Variants in RIPOR2 observed in about 807,000 individuals in gnomAD.
RIPOR2 encodes RHO family interacting cell polarization regulator 2.
Under a neutral mutation model 114.5 loss-of-function variants are expected in RIPOR2, and 39 were observed. The ratio of observed to expected loss-of-function variants is 0.34; its 90% confidence interval spans 0.26 to 0.44. RIPOR2 has a LOEUF of 0.44. Among genes scored for constraint, RIPOR2 ranks in the 20% least tolerant of loss-of-function variants. The probability of loss-of-function intolerance (pLI) is 1.00; values close to 1 mark genes in which losing one functional copy is unlikely to be tolerated. For synonymous variants in RIPOR2, 445 were observed against 484.4 expected (o/e 0.92, Z 1.07); for missense variants, 1,007 against 1,255.1 (o/e 0.80, Z 2.99).
chr6:24,866,351 C>A (rs896527432), intron 6 of RIPOR2, among the ~76,000 whole-genome samples: 1 of 151,970 alleles, frequency 6.6e-6, no homozygotes, highest in Non-Finnish European at 1.5e-5. Context: ...TCAGCTAATT[C>A]TTCTAAGGCA....
intron 1 of RIPOR2, among the ~76,000 whole-genome samples, chr6:24,934,555 T>C (rs1771627633): frequency 6.6e-6 from 1 of 152,236 alleles, no homozygotes; most frequent in Admixed American, 6.5e-5. Flanking sequence ...ACTCTAATTT[T>C]TCTTCAGCGA....
chr6:24,896,210 T>C (rs991370335), intron 1 of RIPOR2, among the ~76,000 whole-genome samples: 1 of 152,030 alleles, frequency 6.6e-6, no homozygotes, highest in African/African-American at 2.4e-5. Context: ...CAGCACCACT[T>C]TATACTGTGT....
intron 19 of RIPOR2, among the ~76,000 whole-genome samples, chr6:24,823,254 C>T (rs1250306089): frequency 2.6e-5 from 4 of 152,168 alleles, no homozygotes; most frequent in African/African-American, 7.2e-5. Context: ...ATAACTTTTG[C>T]TATTCCATAT....
chr6:25,023,296 C>T (rs1776421368), intron 1 of RIPOR2: 5 of 772,932 alleles, frequency 6.5e-6, no homozygotes, highest in South Asian at 4.0e-5. Context: ...CCTATTCCTT[C>T]AGCCTGAGGG....
At chr6:24,974,898 T>C (rs949378048) in intron 1 of RIPOR2, among the ~76,000 whole-genome samples, 21 of 152,208 alleles carry the variant, frequency 1.4e-4, no homozygotes, top group African/African-American at 5.1e-4. Flanking sequence ...CACAAAAAAC[T>C]ACATATTGTA....
chr6:24,875,290 T>C (rs908276817), intron 2 of RIPOR2, among the ~76,000 whole-genome samples: 3 of 152,246 alleles, frequency 2.0e-5, no homozygotes, highest in African/African-American at 7.2e-5. Context: ...AAACTAACTT[T>C]GGCAACCTCT....
intron 3 of RIPOR2, among the ~76,000 whole-genome samples, chr6:24,873,205 G>A (rs911473006): frequency 1.3e-5 from 2 of 152,198 alleles, no homozygotes; most frequent in African/African-American, 2.4e-5. Context: ...AAAACCAGTG[G>A]GGAGGCAAGG....
At chr6:24,916,935 T>C (rs2114093072) in intron 1 of RIPOR2, among the ~76,000 whole-genome samples, 1 of 151,792 alleles carries the variant, frequency 6.6e-6, no homozygotes, top group African/African-American at 2.4e-5. Context: ...CCAAGTGACC[T>C]GTAAGGCTGC....
chr6:24,954,229 C>T (rs1447766811), intron 1 of RIPOR2, among the ~76,000 whole-genome samples: 3 of 152,156 alleles, frequency 2.0e-5, no homozygotes, highest in African/African-American at 7.2e-5. Flanking sequence ...AGCAAGTGGA[C>T]CTCCCTATTC....
At chr6:24,902,208 CTTTCTT>C (rs1323658204) in intron 1 of RIPOR2, among the ~76,000 whole-genome samples, 1 of 150,956 alleles carries the variant, frequency 6.6e-6, no homozygotes, top group Non-Finnish European at 1.5e-5. Context: ...CTTTTTCTTT[CTTTCTT>C]TTTCTTTTTT....
chr6:25,041,744 A>C, intron 1 of RIPOR2: 1 of 623,454 alleles, frequency 1.6e-6, no homozygotes, highest in South Asian at 1.8e-5. Flanking sequence ...AGAGAGGAGG[A>C]AGGGGGAAAG....
At chr6:24,995,800 A>ATTTTTTTT (rs35560241) in intron 1 of RIPOR2, among the ~76,000 whole-genome samples, 2 of 136,718 alleles carry the variant, frequency 1.5e-5, no homozygotes, top group Non-Finnish European at 3.2e-5. Flanking sequence ...AACTAGAGTG[A>ATTTTTTTT]TTTTTTTTTT....
intron 1 of RIPOR2, among the ~76,000 whole-genome samples, chr6:25,017,162 A>T (rs1007514479): frequency 6.6e-6 from 1 of 152,186 alleles, no homozygotes; most frequent in African/African-American, 2.4e-5. Flanking sequence ...CAACATGGTG[A>T]AACCCCATCT....
intron 1 of RIPOR2, among the ~76,000 whole-genome samples, chr6:24,952,257 G>C (rs559560718): frequency 3.3e-5 from 5 of 152,290 alleles, no homozygotes; most frequent in African/African-American, 1.2e-4. Context: ...TGTTATTCCT[G>C]TCACCTAATC....
chr6:25,029,300 G>A (rs1776784301), intron 1 of RIPOR2, among the ~76,000 whole-genome samples: 1 of 150,390 alleles, frequency 6.6e-6, no homozygotes, highest in South Asian at 2.1e-4. Context: ...TACTTGGGAG[G>A]CTAAGGCAGG....
intron 6 of RIPOR2, 95 bp downstream of exon 6, chr6:24,868,999 G>A: frequency 1.5e-6 from 1 of 647,032 alleles, no homozygotes; most frequent in South Asian, 2.0e-5. Flanking sequence ...TGGATAGGAA[G>A]TTCTCCACGC....
At chr6:24,948,811 G>A (rs1455497277) in intron 1 of RIPOR2, among the ~76,000 whole-genome samples, 4 of 152,132 alleles carry the variant, frequency 2.6e-5, no homozygotes, top group South Asian at 4.1e-4. Context: ...GATTACAGGC[G>A]TGAGGCACCA....
intron 4 of RIPOR2, 108 bp downstream of exon 4, chr6:24,872,773 C>A: frequency 1.4e-6 from 1 of 717,988 alleles, no homozygotes; most frequent in Non-Finnish European, 2.5e-6. Context: ...AGTACTCTGC[C>A]CCTTGGATCT....
intron 1 of RIPOR2, among the ~76,000 whole-genome samples, chr6:24,923,034 G>GCT (rs1188271341): frequency 6.6e-6 from 1 of 151,936 alleles, no homozygotes; most frequent in African/African-American, 2.4e-5. Flanking sequence ...GCAATTCCCT[G>GCT]CTCTCTCCTC....
Sources: allele counts gnomAD v4.1 joint callset (sites outside exome capture counted in the v4.1 genomes callset), GRCh38; gene constraint gnomAD v4.1.1; transcripts MANE v1.5; gene names NCBI Gene and HGNC (gene_info 2026-07-23, HGNC 2026-07-21).